The following MGST1 variants were observed in gnomAD, a reference collection of about 807,000 sequenced individuals.
The protein encoded by MGST1 is microsomal glutathione S-transferase 1.
Under a neutral mutation model 8.9 loss-of-function variants are expected in MGST1, and 5 were observed. The observed-to-expected ratio is 0.56, with a 90% CI of 0.29 to 1.19. MGST1 has a LOEUF of 1.19. MGST1 is among the 50% of genes most tolerant of loss of function. The pLI, the probability that MGST1 is intolerant of heterozygous loss-of-function variation, is 0.08. For synonymous variants in MGST1, 54 were observed against 67.8 expected (o/e 0.80, Z 1.00); for missense variants, 182 against 187.4 (o/e 0.97, Z 0.17).
intron 1 of MGST1, among the ~76,000 whole-genome samples, chr12:16,433,742 A>C (rs1940959422): frequency 6.6e-6 from 1 of 152,048 alleles, no homozygotes. Flanking sequence ...TGACACATAA[A>C]ATTAACCATC....
intron 4 of MGST1, among the ~76,000 whole-genome samples, chr12:16,522,513 C>G (rs1941654469): frequency 6.6e-6 from 1 of 151,862 alleles, no homozygotes; most frequent in Non-Finnish European, 1.5e-5. Context: ...GGCCATAGAT[C>G]AGTTCACCTC....
chr12:16,394,341 T>C (rs1940580668), intron 1 of MGST1, among the ~76,000 whole-genome samples: 1 of 152,064 alleles, frequency 6.6e-6, no homozygotes, highest in African/African-American at 2.4e-5. Context: ...GCCAATTTTT[T>C]CTATTTAGTT....
intron 4 of MGST1, among the ~76,000 whole-genome samples, chr12:16,457,698 T>C (rs912272864): frequency 6.6e-6 from 1 of 152,006 alleles, no homozygotes; most frequent in Admixed American, 6.6e-5. Context: ...TTTATTAAAA[T>C]GTAATTCTAA....
At chr12:16,356,852 T>A (rs1416407450) in intron 2 of MGST1, among the ~76,000 whole-genome samples, 1 of 152,228 alleles carries the variant, frequency 6.6e-6, no homozygotes, top group Non-Finnish European at 1.5e-5. Flanking sequence ...CCCTTACTCT[T>A]TTATGCTTCT....
intron 4 of MGST1, among the ~76,000 whole-genome samples, chr12:16,533,915 G>T (rs1057080499): frequency 1.3e-5 from 2 of 152,078 alleles, no homozygotes; most frequent in African/African-American, 4.8e-5. Context: ...GATATTCCAG[G>T]CAGAGGGAAC....
chr12:16,402,177 A>G lies in MGST1; in HGVS notation n.778+18573A>G, dbSNP rs942470658. On this transcript the variant is annotated intron_variant and non_coding_transcript_variant, in intron 1 of 1. Transcript: ENST00000359720. ...GTTGGCAATTTGTTTCAAAAACTCCACTTTTTTTTTGCTGGCCATAAAGAT... is the reference window on the plus strand; with the variant it reads ...GTTGGCAATTTGTTTCAAAAACTCCGCTTTTTTTTTGCTGGCCATAAAGAT... 1.3e-5 allele frequency: 21 copies of G among 1,565,928 alleles called. No individual in the cohort carries two copies. The African/African-American group carries it at 1.6e-4, about 12-fold the overall frequency.
intron 4 of MGST1, among the ~76,000 whole-genome samples, chr12:16,452,380 T>C (rs1015140851): frequency 2.5e-4 from 37 of 150,044 alleles, no homozygotes; most frequent in Middle Eastern, 3.4e-3. Context: ...TCAAATTAGA[T>C]TGTGTCTATA....
At position 16,454,651 on chromosome 12, in the gene MGST1, C is replaced by G. The variant is rs146215320; in HGVS notation, n.482+71047C>G. ...CTATGACAAGCTGTTTCACATATTTCATTTCTGACGTCACAGAATAACCTG... is the reference window on the plus strand; with the variant it reads ...CTATGACAAGCTGTTTCACATATTTGATTTCTGACGTCACAGAATAACCTG... On this transcript the variant is annotated intron_variant and non_coding_transcript_variant, in intron 4 of 4. Coordinates refer to the MGST1 transcript ENST00000538857. Among the ~76,000 whole-genome samples, 91 of 151,780 alleles carry G rather than the reference C, an allele frequency of 6.0e-4. 2 individuals carry two copies. The East Asian group carries it at 0.015, about 25-fold the overall frequency.
downstream of MGST1, among the ~76,000 whole-genome samples, chr12:16,366,707 G>A (rs1396810212): frequency 6.6e-6 from 1 of 150,970 alleles, no homozygotes; most frequent in Non-Finnish European, 1.5e-5. This position sits in a 1 kb window ranked among gnomAD's most constrained non-coding sequence, Gnocchi z 4.0. Context: ...AACCATTATG[G>A]ATGCTTAGTA....
At chr12:16,428,895 A>G (rs1030369271) in intron 1 of MGST1, among the ~76,000 whole-genome samples, 3 of 152,026 alleles carry the variant, frequency 2.0e-5, no homozygotes, top group Non-Finnish European at 4.4e-5. Context: ...CAATTTCTAT[A>G]CCATCATTTA....
intron 1 of MGST1, among the ~76,000 whole-genome samples, chr12:16,387,032 A>G (rs1490250304): frequency 2.0e-5 from 3 of 152,218 alleles, no homozygotes; most frequent in African/African-American, 7.2e-5. Flanking sequence ...TAATGCTGGC[A>G]TATTATAATT....
At chr12:16,409,551 T>C (rs901260431) in intron 1 of MGST1, among the ~76,000 whole-genome samples, 1 of 152,108 alleles carries the variant, frequency 6.6e-6, no homozygotes, top group East Asian at 1.9e-4. Flanking sequence ...CTCTGAAGTA[T>C]AAATGAATCC....
intron 4 of MGST1, among the ~76,000 whole-genome samples, chr12:16,575,745 C>T (rs1353524403): frequency 6.6e-6 from 1 of 152,146 alleles, no homozygotes; most frequent in Non-Finnish European, 1.5e-5. Context: ...GCCTCAGAGG[C>T]TATTCACTAC....
chr12:16,466,821 CTTT>C (rs1351756837), intron 4 of MGST1, among the ~76,000 whole-genome samples: 1 of 152,128 alleles, frequency 6.6e-6, no homozygotes, highest in Non-Finnish European at 1.5e-5. Context: ...TGGCCTCAAA[CTTT>C]GAACACTTTG....
chr12:16,499,447 C>T (rs1163974310), intron 4 of MGST1, among the ~76,000 whole-genome samples: 1 of 152,042 alleles, frequency 6.6e-6, no homozygotes, highest in Admixed American at 6.6e-5. Context: ...TGTTTTGTCC[C>T]CATTTGTTTC....
rs1446507589 is a variant in MGST1 at position 16,362,549 on chromosome 12, A to G, written c.222-1246A>G. 1 of 152,356 alleles carries G rather than the reference A, an allele frequency of 6.6e-6. No homozygotes were observed. Among genetic ancestry groups the G allele is most frequent in the Non-Finnish European group, 1.5e-5 (1 of 68,034 alleles). 9.4% of individuals were successfully genotyped at this position (152,356 alleles called of 1,614,324 possible). On this transcript the variant is annotated intron_variant, in intron 3 of 3. Coordinates refer to ENST00000396210, the MANE Select transcript of MGST1 (RefSeq NM_020300.5). This position sits in a 1 kb window ranked among gnomAD's most constrained non-coding sequence, Gnocchi z 4.4. The stretch of plus-strand genomic sequence containing the variant: ...AGAAATAGTTTTCATTTTGAAATAC[A>G]TATCAATAGCTGACAAACTATCAAA...
At chr12:16,540,755 AC>A (rs1250181184) in intron 4 of MGST1, among the ~76,000 whole-genome samples, 1 of 152,102 alleles carries the variant, frequency 6.6e-6, no homozygotes, top group East Asian at 1.9e-4. Context: ...AAATGGTGAA[AC>A]CCCATCTCTA....
At chr12:16,350,523 C>T (rs1939412223) in intron 1 of MGST1, among the ~76,000 whole-genome samples, 1 of 152,178 alleles carries the variant, frequency 6.6e-6, no homozygotes, top group Non-Finnish European at 1.5e-5. Context: ...CACTCTTCTC[C>T]CTCCTGACAA....
chr12:16,526,610 A>G (rs897004852), intron 4 of MGST1, among the ~76,000 whole-genome samples: 4 of 152,012 alleles, frequency 2.6e-5, no homozygotes, highest in African/African-American at 9.7e-5. Context: ...ACATGATTTT[A>G]TTTTTATTAC....
Sources: gnomAD v4.1 joint callset for allele counts (sites outside exome capture counted in the v4.1 genomes callset) on GRCh38, gnomAD v4.1.1 for gene constraint, Gnocchi (gnomAD v3.1) non-coding constraint, MANE v1.5 for transcripts, NCBI Gene and HGNC (gene_info 2026-07-23, HGNC 2026-07-21) for gene names.